STXBP5L: variants seen among roughly 807,000 people sequenced by gnomAD.
The protein encoded by STXBP5L is syntaxin-binding protein 5-like.
A neutral mutation model predicts 144.5 loss-of-function variants in STXBP5L; 65 were observed. The observed-to-expected ratio is 0.45, with a 90% confidence interval of 0.37 to 0.55. The LOEUF (loss-of-function observed/expected upper bound fraction) is 0.55. Ranked by LOEUF, STXBP5L falls within the 20% of genes least tolerant of loss-of-function variation. STXBP5L has a pLI of 0.00. For missense variants in STXBP5L, 1,298 were observed against 1,405.5 expected (o/e 0.92, Z 1.22); for synonymous variants, 505 against 469.6 (o/e 1.08, Z -0.97).
intron 5 of STXBP5L, among the ~76,000 whole-genome samples, chr3:121,095,848 G>A (rs1318790968): frequency 6.6e-6 from 1 of 152,272 alleles, no homozygotes; most frequent in Admixed American, 6.5e-5. Flanking sequence ...TTCCTTTGGA[G>A]GGGGAGAGGC....
chr3:121,162,598 C>T (rs1480638618), intron 9 of STXBP5L, among the ~76,000 whole-genome samples: 1 of 152,068 alleles, frequency 6.6e-6, no homozygotes, highest in Non-Finnish European at 1.5e-5. Context: ...AGAGCTTCTG[C>T]AAAGCAAAAG....
chr3:121,051,646 A>G (rs1948004780), intron 5 of STXBP5L, among the ~76,000 whole-genome samples: 1 of 152,220 alleles, frequency 6.6e-6, no homozygotes. Context: ...AAAGATCCAA[A>G]ATTCACACCC....
At chr3:121,168,193 G>A (rs1454710249) in intron 9 of STXBP5L, among the ~76,000 whole-genome samples, 2 of 152,044 alleles carry the variant, frequency 1.3e-5, no homozygotes, top group African/African-American at 4.8e-5. Context: ...CAACATCAAA[G>A]ACCAAAGGTA....
intron 5 of STXBP5L, among the ~76,000 whole-genome samples, chr3:121,072,546 C>T (rs950162016): frequency 1.3e-5 from 2 of 152,222 alleles, no homozygotes; most frequent in African/African-American, 4.8e-5. Context: ...CTGAGAACTT[C>T]CACTAACATC....
chr3:120,951,756 A>G lies in STXBP5L; in HGVS notation c.190-3184A>G, dbSNP rs199900661. On this transcript the variant is annotated intron_variant, in intron 2 of 26. Coordinates refer to ENST00000471454, the MANE Select transcript of STXBP5L (RefSeq NM_001308330.2). ...GTGGAAGTCAGTGTGGCGATTCCTC[A>G]GGGATCTAGAACTAAAAATACCATT... 4.6e-5 allele frequency among the ~76,000 whole-genome samples: 7 copies of G among 152,146 alleles called. No individual in the cohort carries two copies. The East Asian group carries it at 1.2e-3, about 25-fold the overall frequency.
intron 18 of STXBP5L, among the ~76,000 whole-genome samples, chr3:121,260,158 T>C (rs550491562): frequency 3.3e-5 from 5 of 152,252 alleles, no homozygotes; most frequent in African/African-American, 9.6e-5. Flanking sequence ...AAGAGTAGTA[T>C]GTTATTATAA....
intron 20 of STXBP5L, among the ~76,000 whole-genome samples, chr3:121,348,704 G>T (rs112347437): frequency 0.12 from 18,303 of 151,978 alleles, 1,179 homozygotes; most frequent in Non-Finnish European, 0.14. Context: ...ATGTGTCGAG[G>T]AATTTATCCA....
intron 7 of STXBP5L, among the ~76,000 whole-genome samples, chr3:121,136,634 G>A (rs1438099049): frequency 6.6e-6 from 1 of 152,202 alleles, no homozygotes; most frequent in Non-Finnish European, 1.5e-5. Context: ...TGGTGGGAAT[G>A]TAAATTAGTT....
chr3:121,120,442 T>G (rs1559769471), intron 6 of STXBP5L, among the ~76,000 whole-genome samples: 2 of 151,424 alleles, frequency 1.3e-5, no homozygotes, highest in East Asian at 3.9e-4. Flanking sequence ...TAACTCTAAT[T>G]TCCAATTATC....
intron 18 of STXBP5L, among the ~76,000 whole-genome samples, chr3:121,263,989 A>T (rs1349294963): frequency 6.6e-6 from 1 of 152,190 alleles, no homozygotes; most frequent in Non-Finnish European, 1.5e-5. Flanking sequence ...TTGAGAGAGA[A>T]ACCACAAGAC....
intron 9 of STXBP5L, among the ~76,000 whole-genome samples, chr3:121,169,924 A>T (rs528181606): frequency 6.6e-6 from 1 of 152,342 alleles, no homozygotes; most frequent in African/African-American, 2.4e-5. Context: ...CACTTATTCT[A>T]AAATTGACCA....
At chr3:121,366,394 CA>C (rs1335715098) in intron 20 of STXBP5L, among the ~76,000 whole-genome samples, 2 of 151,820 alleles carry the variant, frequency 1.3e-5, no homozygotes, top group Non-Finnish European at 2.9e-5. Flanking sequence ...TATTTTCTCT[CA>C]TTTTTTGCTT....
chr3:121,182,042 A>G (rs1337478880), intron 9 of STXBP5L, among the ~76,000 whole-genome samples: 3 of 152,196 alleles, frequency 2.0e-5, no homozygotes, highest in Non-Finnish European at 2.9e-5. Flanking sequence ...TACTAGACCT[A>G]AGAAATGAGA....
intron 20 of STXBP5L, among the ~76,000 whole-genome samples, chr3:121,348,495 T>C (rs1400630221): frequency 1.3e-5 from 2 of 152,168 alleles, no homozygotes; most frequent in African/African-American, 2.4e-5. Context: ...GAGGATCCCC[T>C]CTTTTTCTAT....
intron 5 of STXBP5L, among the ~76,000 whole-genome samples, chr3:121,102,935 AC>A (rs2043504014): frequency 6.6e-6 from 1 of 152,188 alleles, no homozygotes; most frequent in Non-Finnish European, 1.5e-5. Context: ...CAAGTGTTCA[AC>A]AAAAATGAAA....
At chr3:120,976,805 CAGT>C (rs1941086805) in intron 3 of STXBP5L, among the ~76,000 whole-genome samples, 1 of 152,116 alleles carries the variant, frequency 6.6e-6, no homozygotes, top group South Asian at 2.1e-4. Context: ...GTTATGTACC[CAGT>C]AGTCATTCAG....
rs558575222 is a variant in STXBP5L at position 121,105,987 on chromosome 3, G to A, written c.471-8938G>A. 1.4e-3 allele frequency among the ~76,000 whole-genome samples: 210 copies of A among 152,064 alleles called. 1 individual carries two copies. The highest frequency in any genetic ancestry group is 2.3e-3 in the Non-Finnish European group (159 of 68,000). On this transcript the variant is annotated intron_variant, in intron 5 of 26. Coordinates refer to ENST00000471454, the MANE Select transcript of STXBP5L (RefSeq NM_001308330.2). The stretch of plus-strand genomic sequence containing the variant: ...AGTAAAGAATATAAACAAATTCAAA[G>A]GTCTGCCCATTTTTCAAAGTGAGAA...
chr3:121,231,526 C>A (rs921385357), intron 11 of STXBP5L, among the ~76,000 whole-genome samples: 1 of 152,170 alleles, frequency 6.6e-6, no homozygotes, highest in East Asian at 1.9e-4. Flanking sequence ...GAAGCATTTT[C>A]TTTGGCCACT....
chr3:121,332,334 C>T (rs7636533), intron 20 of STXBP5L, among the ~76,000 whole-genome samples: 72,749 of 144,180 alleles, frequency 0.5, 18,224 homozygotes, highest in East Asian at 0.74. Flanking sequence ...AAGGAGAAAA[C>T]TAACATGAAA....
Sources: gnomAD v4.1 joint callset for allele counts (sites outside exome capture counted in the v4.1 genomes callset) on GRCh38, gnomAD v4.1.1 for gene constraint, MANE v1.5 for transcripts, NCBI Gene and HGNC (gene_info 2026-07-23, HGNC 2026-07-21) for gene names.